RAB38: variants seen among roughly 807,000 people sequenced by gnomAD.
RAB38 encodes ras-related protein Rab-38.
Under a neutral mutation model 18.4 loss-of-function variants are expected in RAB38, and 15 were observed. The ratio of observed to expected loss-of-function variants is 0.82; its 90% CI spans 0.55 to 1.26. The LOEUF (loss-of-function observed/expected upper bound fraction) is 1.26. RAB38 is among the 50% of genes most tolerant of loss of function. The pLI is 0.00. For missense variants in RAB38, 294 were observed against 267.4 expected (o/e 1.10, Z -0.69); for synonymous variants, 101 against 104.4 (o/e 0.97, Z 0.20).
At chr11:88,057,919 A>C in the RAB38 span, among the ~76,000 whole-genome samples, 1 of 152,174 alleles carries the variant, frequency 6.6e-6, no homozygotes, top group Non-Finnish European at 1.5e-5. Flanking sequence ...AATTCCTTGG[A>C]GCATCCTCAC....
At chr11:88,131,656 C>T (rs1239044022) in intron 2 of RAB38, among the ~76,000 whole-genome samples, 1 of 152,170 alleles carries the variant, frequency 6.6e-6, no homozygotes, top group African/African-American at 2.4e-5. Context: ...TTGTTACACA[C>T]CTTTTACTCT....
chr11:88,061,424 T>G, the RAB38 span, among the ~76,000 whole-genome samples: 1 of 152,170 alleles, frequency 6.6e-6, no homozygotes. Context: ...ATCAAACAAA[T>G]TTGGAAAAGA....
the RAB38 span, among the ~76,000 whole-genome samples, chr11:87,957,521 C>G: frequency 1.2e-4 from 18 of 152,094 alleles, no homozygotes; most frequent in Admixed American, 1.2e-3. Flanking sequence ...CATGATTGGA[C>G]AAAGAAAGTA....
At chr11:88,155,397 C>T (rs949835309) in intron 1 of RAB38, among the ~76,000 whole-genome samples, 1 of 151,970 alleles carries the variant, frequency 6.6e-6, no homozygotes, top group Non-Finnish European at 1.5e-5. Flanking sequence ...AACTGCACAG[C>T]CCAATAAAAA....
the RAB38 span, among the ~76,000 whole-genome samples, chr11:87,930,092 G>T: frequency 6.6e-6 from 1 of 152,066 alleles, no homozygotes; most frequent in African/African-American, 2.4e-5. Context: ...TAATGGGATG[G>T]CTGGGTCAAA....
the RAB38 span, among the ~76,000 whole-genome samples, chr11:87,869,642 T>C: frequency 6.6e-6 from 1 of 151,704 alleles, no homozygotes; most frequent in African/African-American, 2.4e-5. Flanking sequence ...TTGTGAAGTT[T>C]TGAACTGAAA....
chr11:87,826,367 T>G, the RAB38 span, among the ~76,000 whole-genome samples: 6 of 152,102 alleles, frequency 3.9e-5, no homozygotes, highest in South Asian at 1.2e-3. Context: ...CAAAAGAAAA[T>G]ATTTCATCAT....
the RAB38 span, among the ~76,000 whole-genome samples, chr11:88,008,845 T>C: frequency 6.6e-6 from 1 of 152,176 alleles, no homozygotes; most frequent in Non-Finnish European, 1.5e-5. Context: ...GGCTAATTTT[T>C]GTATTTTTAG....
chr11:87,826,375 C>A, the RAB38 span, among the ~76,000 whole-genome samples: 2 of 151,988 alleles, frequency 1.3e-5, no homozygotes, highest in Admixed American at 1.3e-4. Context: ...AATATTTCAT[C>A]ATTAATGTAG....
chr11:87,886,151 G>C, the RAB38 span, among the ~76,000 whole-genome samples: 1 of 152,006 alleles, frequency 6.6e-6, no homozygotes, highest in South Asian at 2.1e-4. Flanking sequence ...CCAGATCTAA[G>C]GGCCTTTACA....
At chr11:88,115,800 C>G (rs972303211) in intron 2 of RAB38, 2 of 152,178 alleles carry the variant, frequency 1.3e-5, no homozygotes, top group African/African-American at 4.8e-5. Flanking sequence ...TTATTGCTTT[C>G]ACAATGTGAA....
At chr11:88,103,369 T>C in the RAB38 span, among the ~76,000 whole-genome samples, 2 of 152,100 alleles carry the variant, frequency 1.3e-5, no homozygotes, top group Non-Finnish European at 2.9e-5. Context: ...CTTCTGACTA[T>C]GTTCTGGTCA....
intron 1 of RAB38, chr11:88,167,399 G>A (rs1191517868): frequency 2.0e-5 from 3 of 152,128 alleles, no homozygotes; most frequent in Admixed American, 6.5e-5. Flanking sequence ...TAAAAATGCT[G>A]TGGCTCCAGT....
the RAB38 span, among the ~76,000 whole-genome samples, chr11:87,913,488 A>C: frequency 6.6e-6 from 1 of 152,150 alleles, no homozygotes; most frequent in African/African-American, 2.4e-5. Flanking sequence ...GTTTCTTTCC[A>C]TGAGTTGTGT....
chr11:87,921,581 A>G, the RAB38 span, among the ~76,000 whole-genome samples: 1 of 148,464 alleles, frequency 6.7e-6, no homozygotes, highest in Non-Finnish European at 1.5e-5. Flanking sequence ...TATATTATAT[A>G]TATACACATT....
the RAB38 span, among the ~76,000 whole-genome samples, chr11:88,061,237 G>C: frequency 6.6e-6 from 1 of 152,218 alleles, no homozygotes; most frequent in Non-Finnish European, 1.5e-5. Flanking sequence ...AAGAGGAAAG[G>C]CCAGGATGAG....
chr11:87,843,984 T>G, the RAB38 span, among the ~76,000 whole-genome samples: 3 of 152,212 alleles, frequency 2.0e-5, no homozygotes, highest in Non-Finnish European at 4.4e-5. Flanking sequence ...TCATGTAGAC[T>G]TTTGATAACA....
chr11:88,124,259 C>A (rs537542193), intron 2 of RAB38, among the ~76,000 whole-genome samples: 89 of 152,152 alleles, frequency 5.8e-4, no homozygotes, highest in African/African-American at 2.0e-3. Context: ...GCAACAAAAG[C>A]CAAAATTGAC....
At chr11:87,947,662 A>C in the RAB38 span, among the ~76,000 whole-genome samples, 2 of 152,202 alleles carry the variant, frequency 1.3e-5, no homozygotes, top group South Asian at 4.1e-4. Flanking sequence ...TCCCCATTTC[A>C]TGTTTTTGTC....
Sources: allele counts gnomAD v4.1 joint callset (sites outside exome capture counted in the v4.1 genomes callset), GRCh38; gene constraint gnomAD v4.1.1; transcripts MANE v1.5; gene names NCBI Gene and HGNC (gene_info 2026-07-23, HGNC 2026-07-21).